EMCN: variants seen among roughly 807,000 people sequenced by gnomAD.
EMCN encodes the protein MUC-14.
A neutral mutation model predicts 38.4 loss-of-function variants in EMCN; 37 were observed. That is an observed-to-expected ratio of 0.96 (90% CI 0.74 to 1.27). EMCN has a LOEUF of 1.27. EMCN is among the 50% of genes most tolerant of loss of function. EMCN has a pLI of 0.00. For synonymous variants in EMCN, 95 were observed against 100.8 expected (o/e 0.94, Z 0.35); for missense variants, 318 against 302.8 (o/e 1.05, Z -0.37).
At chr4:100,433,679 T>C (rs773440304) in intron 5 of EMCN, among the ~76,000 whole-genome samples, 2 of 151,810 alleles carry the variant, frequency 1.3e-5, no homozygotes, top group Non-Finnish European at 2.9e-5. Flanking sequence ...AGGATTACAG[T>C]CAAGTGCCAC....
intron 3 of EMCN, among the ~76,000 whole-genome samples, chr4:100,472,414 T>C (rs1424867689): frequency 6.6e-6 from 1 of 151,884 alleles, no homozygotes; most frequent in African/African-American, 2.4e-5. Context: ...CAAAAATAAG[T>C]TTAAGCCTTC....
Position 100,415,937 on chromosome 4 carries a change from C to G in EMCN, c.712G>C (p.Val238Leu), listed in dbSNP as rs368504697. ...ATTGTCTTAACGGTAAGAAGCTTCA[C>G]GCTCTCTTTATCAGACTGAGGTCTA... ...NDQPQSDKES[V>L]KLLTVKTISH... is the part of the protein sequence containing the mutation. The change falls in exon 10 of 12, where the codon GTG becomes CTG. Residue 238 changes from valine (V) to leucine (L), a missense_variant. Val to Leu is a conservative substitution (Grantham distance 32). Transcript: ENST00000296420. The G allele has an allele frequency of 5.7e-6, 9 of 1,589,550 alleles. No individual in the cohort carries two copies. The highest frequency in any genetic ancestry group is 7.7e-6 in the Non-Finnish European group (9 of 1,170,128).
intron 1 of EMCN, among the ~76,000 whole-genome samples, chr4:100,498,714 G>C (rs894559202): frequency 6.6e-6 from 1 of 152,082 alleles, no homozygotes; most frequent in African/African-American, 2.4e-5. Flanking sequence ...AGTGCTGGGA[G>C]TACAGGCGTG....
At chr4:100,449,497 A>T (rs1034220501) in intron 4 of EMCN, among the ~76,000 whole-genome samples, 7 of 152,128 alleles carry the variant, frequency 4.6e-5, no homozygotes, top group African/African-American at 1.7e-4. Context: ...ACTTTTGATA[A>T]CTAATTAAAA....
At chr4:100,421,429 C>A (rs779392538) in intron 7 of EMCN, 52 bp from the exon 8 acceptor site, 2 of 1,444,476 alleles carry the variant, frequency 1.4e-6, no homozygotes, top group Middle Eastern at 1.7e-4. Flanking sequence ...AATTTCACAG[C>A]GATAGTTTGG....
At chr4:100,441,991 A>C (rs1356650012) in intron 5 of EMCN, among the ~76,000 whole-genome samples, 2 of 152,218 alleles carry the variant, frequency 1.3e-5, no homozygotes, top group African/African-American at 4.8e-5. Context: ...TATACTTTAT[A>C]GATATGTCAT....
chr4:100,396,115 T>A lies in EMCN; in HGVS notation c.*2298A>T, dbSNP rs779450156. 2 of 152,112 alleles carry A rather than the reference T, an allele frequency of 1.3e-5. No homozygotes were observed. The highest frequency in any genetic ancestry group is 2.1e-4 in the South Asian group (1 of 4,826). 9.4% of individuals were successfully genotyped at this position (152,112 alleles called of 1,614,324 possible). ...GTAATTTTGGCTTGAAAACAAAATATCCTATCTCAACAGAAGTTTAAGTTG... is the reference window on the plus strand; with the variant it reads ...GTAATTTTGGCTTGAAAACAAAATAACCTATCTCAACAGAAGTTTAAGTTG... On this transcript the variant is annotated 3_prime_UTR_variant, in exon 12 of 12. Transcript: ENST00000296420.
At chr4:100,481,811 T>A (rs1329072953) in intron 1 of EMCN, among the ~76,000 whole-genome samples, 1 of 152,040 alleles carries the variant, frequency 6.6e-6, no homozygotes, top group Admixed American at 6.6e-5. Context: ...CATTCTTAAT[T>A]TCTGAGCATA....
intron 4 of EMCN, among the ~76,000 whole-genome samples, chr4:100,451,569 C>T (rs1156534324): frequency 6.6e-6 from 1 of 151,866 alleles, no homozygotes; most frequent in East Asian, 1.9e-4. Context: ...GTGCATGATG[C>T]ACCTAATTAG....
Position 100,415,957 on chromosome 4 carries a change from G to A in EMCN, c.692C>T (p.Pro231Leu). ...PGTPENGNDQPQSDKESVKLL... is the reference protein window; with the variant it reads ...PGTPENGNDQLQSDKESVKLL... The stretch of plus-strand genomic sequence containing the variant: ...CTTCACGCTCTCTTTATCAGACTGA[G>A]GTCTATTTGAAAAAAAAAACATGAA... The change falls in exon 10 of 12, where the codon CCT becomes CTT. Residue 231 changes from proline (P) to leucine (L), a missense_variant and splice_region_variant. Pro to Leu is a moderately conservative substitution (Grantham distance 98, BLOSUM62 -3). Coordinates refer to ENST00000296420, the MANE Select transcript of EMCN (RefSeq NM_016242.4). 1.3e-6 allele frequency: 2 copies of A among 1,579,930 alleles called. No homozygotes were observed. The highest frequency in any genetic ancestry group is 2.3e-5 in the East Asian group (1 of 43,480).
intron 11 of EMCN, among the ~76,000 whole-genome samples, chr4:100,402,513 A>G (rs1726285576): frequency 6.6e-6 from 1 of 152,186 alleles, no homozygotes; most frequent in Non-Finnish European, 1.5e-5. Flanking sequence ...TTCAAAGTAC[A>G]GTGATAGAAA....
intron 1 of EMCN, among the ~76,000 whole-genome samples, chr4:100,507,923 G>A (rs1415674761): frequency 6.6e-6 from 1 of 151,996 alleles, no homozygotes. Flanking sequence ...ACAGAGAATT[G>A]GCCTTTTACA....
At chr4:100,495,452 A>G (rs1219961422) in intron 1 of EMCN, among the ~76,000 whole-genome samples, 1 of 152,092 alleles carries the variant, frequency 6.6e-6, no homozygotes, top group Non-Finnish European at 1.5e-5. Flanking sequence ...TAAATCTGAG[A>G]TATCACCTGT....
chr4:100,426,828 A>G (rs1028570520), intron 5 of EMCN, among the ~76,000 whole-genome samples: 2 of 152,050 alleles, frequency 1.3e-5, no homozygotes, highest in African/African-American at 4.8e-5. Flanking sequence ...CCCCTTTTTA[A>G]TCCAACTTCA....
Position 100,475,029 on chromosome 4 carries a change from A to G in EMCN, c.259+9T>C. On this transcript the variant is annotated intron_variant, in intron 3 of 11. Transcript: ENST00000296420. ...TTTTAAAATTGTAGAAAAATGAATCATTACTCACCTTCATCTTTACTTGTT... is the reference window on the plus strand; with the variant it reads ...TTTTAAAATTGTAGAAAAATGAATCGTTACTCACCTTCATCTTTACTTGTT... 1 of 1,429,458 alleles carries G rather than the reference A, an allele frequency of 7.0e-7. No homozygotes were observed. Among genetic ancestry groups the G allele is most frequent in the Non-Finnish European group, 9.6e-7 (1 of 1,044,830 alleles). The allele number at this position is 1,429,458 out of a possible 1,614,324, so 88.5% of individuals were successfully genotyped here. A position where few individuals can be genotyped will look rare whatever the true frequency, so the allele number is the denominator to read the frequency against.
At chr4:100,441,784 C>T (rs1216859091) in intron 5 of EMCN, among the ~76,000 whole-genome samples, 4 of 152,096 alleles carry the variant, frequency 2.6e-5, no homozygotes, top group Non-Finnish European at 5.9e-5. Context: ...ATTTACCTTT[C>T]CCCTCACAAT....
Position 100,517,841 on chromosome 4 carries a change from AC to A in EMCN, c.64+9del, listed in dbSNP as rs1729799154. ...ATCCGTACCACCAGAGGAATAAGAGACAAAAATACCTGTGCTGTTACTGCTG... is the reference window on the plus strand; with the variant it reads ...ATCCGTACCACCAGAGGAATAAGAGAAAAAATACCTGTGCTGTTACTGCTG... On this transcript the variant is annotated intron_variant, in intron 1 of 11. Coordinates refer to ENST00000296420, the MANE Select transcript of EMCN (RefSeq NM_016242.4). 1 of 1,612,152 alleles carries A rather than the reference AC, an allele frequency of 6.2e-7. No homozygotes were observed. Among genetic ancestry groups the A allele is most frequent in the Non-Finnish European group, 8.5e-7 (1 of 1,178,648 alleles).
chr4:100,413,299 T>A (rs1223175705), intron 10 of EMCN, among the ~76,000 whole-genome samples: 1 of 152,182 alleles, frequency 6.6e-6, no homozygotes, highest in Non-Finnish European at 1.5e-5. Flanking sequence ...TTTCTAAAAA[T>A]TTTTATATAG....
chr4:100,452,017 C>T lies in EMCN; in HGVS notation c.377-4446G>A, dbSNP rs535452265. On this transcript the variant is annotated intron_variant, in intron 4 of 11. Transcript: ENST00000296420. The stretch of plus-strand genomic sequence containing the variant: ...ATAACTAGTTGTGCTGTTTTTTGAA[C>T]GTAAGCAATCAGACATCATAATCAC... 5.3e-5 allele frequency among the ~76,000 whole-genome samples: 8 copies of T among 151,964 alleles called. No homozygotes were observed. In the South Asian group the frequency reaches 6.2e-4, roughly 12 times the overall value.
Sources: allele counts gnomAD v4.1 joint callset (sites outside exome capture counted in the v4.1 genomes callset), GRCh38; gene constraint gnomAD v4.1.1; transcripts MANE v1.5; gene names NCBI Gene and HGNC (gene_info 2026-07-23, HGNC 2026-07-21).